CARM1: variants seen among roughly 807,000 people sequenced by gnomAD.
CARM1 encodes coactivator associated arginine methyltransferase 1.
Under a neutral mutation model 72.7 loss-of-function variants are expected in CARM1, and 14 were observed. The observed-to-expected ratio is 0.19, with a 90% CI of 0.13 to 0.30. CARM1 has a LOEUF of 0.30. Among genes scored for constraint, CARM1 ranks in the 10% least tolerant of loss-of-function variants. The pLI is 1.00. For synonymous variants in CARM1, 333 were observed against 345.5 expected (o/e 0.96, Z 0.40); for missense variants, 432 against 833.7 (o/e 0.52, Z 5.93).
At chr19:10,873,374 A>G (rs2073834928) in intron 1 of CARM1, among the ~76,000 whole-genome samples, 1 of 151,896 alleles carries the variant, frequency 6.6e-6, no homozygotes, top group Non-Finnish European at 1.5e-5. Flanking sequence ...TGGGAGGATC[A>G]CTTGAGGTCA....
intron 1 of CARM1, among the ~76,000 whole-genome samples, chr19:10,899,880 C>T (rs1476046919): frequency 2.6e-5 from 4 of 152,086 alleles, no homozygotes; most frequent in African/African-American, 9.7e-5. Context: ...GCCATCATGC[C>T]TTGCTAATTT....
chr19:10,879,517 G>A (rs2073886550), intron 1 of CARM1, among the ~76,000 whole-genome samples: 1 of 152,176 alleles, frequency 6.6e-6, no homozygotes, highest in Non-Finnish European at 1.5e-5. Flanking sequence ...GCTCCAGTGG[G>A]CCAGGGCTGG....
At chr19:10,885,607 A>G (rs1248782428) in intron 1 of CARM1, among the ~76,000 whole-genome samples, 1 of 152,176 alleles carries the variant, frequency 6.6e-6, no homozygotes, top group Non-Finnish European at 1.5e-5. Flanking sequence ...AAATAATCAA[A>G]GACTGGGGTG....
rs535215807 is a variant in CARM1, at chr19:10,885,377, G to C, written c.220+13455G>C. Among the ~76,000 whole-genome samples the C allele has an allele frequency of 2.5e-4, 38 of 152,298 alleles. 2 individuals are homozygous for C. In the South Asian group the frequency reaches 7.9e-3, roughly 32 times the overall value. On this transcript the variant is annotated intron_variant, in intron 1 of 15. Transcript: ENST00000327064. ...GCTGTTTTCCTTTATGTCGTTGGCAGGTCTTTCTCCCGCTAATTGTGTTCT... is the reference window on the plus strand; with the variant it reads ...GCTGTTTTCCTTTATGTCGTTGGCACGTCTTTCTCCCGCTAATTGTGTTCT...
In CARM1 at chr19:10,904,185, A is replaced by G. The variant is rs574261351; in HGVS notation, c.221-766A>G. Reference sequence around the variant, plus strand: ...GGCTGGTTGTCCTGTAGCCTGCCCCACAACTTGTCCTTTTCTGTTGTCCCT... The same window carrying G: ...GGCTGGTTGTCCTGTAGCCTGCCCCGCAACTTGTCCTTTTCTGTTGTCCCT... On this transcript the variant is annotated intron_variant, in intron 1 of 15. Transcript: ENST00000327064. Among the ~76,000 whole-genome samples, 11 of 152,298 alleles carry G rather than the reference A, an allele frequency of 7.2e-5. No homozygotes were observed. The South Asian group carries it at 2.3e-3, about 32-fold the overall frequency.
At chr19:10,890,790 TATATA>T (rs1244812986) in intron 1 of CARM1, among the ~76,000 whole-genome samples, 28 of 106,112 alleles carry the variant, frequency 2.6e-4, no homozygotes, top group African/African-American at 6.5e-4. Flanking sequence ...TATATATATA[TATATA>T]TTTTTTTTTT....
chr19:10,916,181 C>A lies in CARM1; in HGVS notation c.848-226C>A, dbSNP rs576753183. ...GACATAAAGATGAGCCACCAGCCTC[C>A]CAGTCTCAGGTGGAATTCGTGAGCT... On this transcript the variant is annotated intron_variant, in intron 6 of 15. Coordinates refer to ENST00000327064, the MANE Select transcript of CARM1 (RefSeq NM_199141.2). This position sits in a 1 kb window ranked among gnomAD's most constrained non-coding sequence, Gnocchi z 4.4. Among the ~76,000 whole-genome samples, 16 of 152,306 alleles carry A rather than the reference C, an allele frequency of 1.1e-4. No individual in the cohort carries two copies. The South Asian group carries it at 3.1e-3, about 30-fold the overall frequency.
At chr19:10,897,921 C>T (rs536580615) in intron 1 of CARM1, among the ~76,000 whole-genome samples, 63 of 151,706 alleles carry the variant, frequency 4.2e-4, no homozygotes, top group Admixed American at 2.6e-3. Flanking sequence ...CTGGCTAACA[C>T]GGTGAAACCC....
intron 1 of CARM1, among the ~76,000 whole-genome samples, chr19:10,877,306 GA>G (rs1443087366): frequency 3.9e-5 from 6 of 152,200 alleles, no homozygotes; most frequent in African/African-American, 1.4e-4. Context: ...TCCCGTACCA[GA>G]CTGTGCATAA....
Position 10,911,758 on chromosome 19 carries a change from C to T in CARM1, c.559-426C>T, listed in dbSNP as rs376548376. On this transcript the variant is annotated intron_variant, in intron 4 of 15. Coordinates refer to ENST00000327064, the MANE Select transcript of CARM1 (RefSeq NM_199141.2). ...AGCCCAGCCGGCCCCAGGGCTTGGGCGGCTCACCTGCCCCAGCCAAGACGG... is the reference window on the plus strand; with the variant it reads ...AGCCCAGCCGGCCCCAGGGCTTGGGTGGCTCACCTGCCCCAGCCAAGACGG... Among the ~76,000 whole-genome samples, 10 of 152,320 alleles carry T rather than the reference C, an allele frequency of 6.6e-5. No individual in the cohort carries two copies. The East Asian group carries it at 1.7e-3, about 26-fold the overall frequency.
intron 1 of CARM1, among the ~76,000 whole-genome samples, chr19:10,878,964 G>A (rs1040635664): frequency 1.3e-5 from 2 of 152,196 alleles, no homozygotes; most frequent in South Asian, 2.1e-4. Flanking sequence ...GTGCCACCAC[G>A]GCTGGCTAAT....
intron 1 of CARM1, among the ~76,000 whole-genome samples, chr19:10,881,275 C>G (rs905665591): frequency 6.6e-6 from 1 of 152,204 alleles, no homozygotes; most frequent in Non-Finnish European, 1.5e-5. Context: ...ATAAATTGGC[C>G]GTGGTGTAGC....
chr19:10,912,339 A>AGTGCCATGCC lies in CARM1; in HGVS notation c.669+47_669+56dup. ...CCACCCAGCCTCGTCCTCGCCCATG[A>AGTGCCATGCC]GTGCCATGCCGGCCCCAGCCTAGAG... On this transcript the variant is annotated intron_variant, in intron 5 of 15. Transcript: ENST00000327064. This position sits in a 1 kb window ranked among gnomAD's most constrained non-coding sequence, Gnocchi z 4.5. The AGTGCCATGCC allele has an allele frequency of 7.0e-7, 1 of 1,427,658 alleles. No individual in the cohort carries two copies. The highest frequency in any genetic ancestry group is 2.3e-5 in the East Asian group (1 of 43,858). The allele number at this position is 1,427,658 out of a possible 1,614,324, so 88.4% of individuals were successfully genotyped here.
At chr19:10,891,635 G>A (rs1374797180) in intron 1 of CARM1, among the ~76,000 whole-genome samples, 1 of 152,200 alleles carries the variant, frequency 6.6e-6, no homozygotes, top group Admixed American at 6.5e-5. Flanking sequence ...TCCCCAGTCC[G>A]GCCTGCCCAC....
chr19:10,891,116 G>C (rs936403168), intron 1 of CARM1, among the ~76,000 whole-genome samples: 4 of 151,626 alleles, frequency 2.6e-5, no homozygotes, highest in Non-Finnish European at 5.9e-5. Context: ...GAACTCTCTC[G>C]GTGGCTCCTT....
At position 10,891,132 on chromosome 19, in the gene CARM1, G is replaced by A. The variant is rs1022574729; in HGVS notation, c.221-13819G>A. On this transcript the variant is annotated intron_variant, in intron 1 of 15. Transcript: ENST00000327064. ...AACTCTCTCGGTGGCTCCTTCTCTC[G>A]ACCCTTTGCCTTGAGCCGGAGCACT... Among the ~76,000 whole-genome samples the A allele has an allele frequency of 4.8e-5, 7 of 144,972 alleles. No individual in the cohort carries two copies. In the East Asian group the frequency reaches 8.2e-4, roughly 17 times the overall value.
intron 8 of CARM1, among the ~76,000 whole-genome samples, chr19:10,918,243 C>T (rs1426444433): frequency 6.6e-6 from 1 of 152,052 alleles, no homozygotes; most frequent in Non-Finnish European, 1.5e-5. Context: ...TTTTTTGAAA[C>T]AGGATCTCAC....
At chr19:10,894,891 T>A (rs1432492329) in intron 1 of CARM1, among the ~76,000 whole-genome samples, 4 of 151,782 alleles carry the variant, frequency 2.6e-5, no homozygotes, top group Non-Finnish European at 4.4e-5. Flanking sequence ...CAGGTGCGCA[T>A]CACCATGCCC....
chr19:10,906,526 G>A (rs904452217), intron 2 of CARM1, among the ~76,000 whole-genome samples: 2 of 151,900 alleles, frequency 1.3e-5, no homozygotes, highest in African/African-American at 2.4e-5. Flanking sequence ...GCAGTGGCGC[G>A]ATCTCGGCTC....
Sources: gnomAD v4.1 joint callset for allele counts (sites outside exome capture counted in the v4.1 genomes callset) on GRCh38, gnomAD v4.1.1 for gene constraint, Gnocchi (gnomAD v3.1) non-coding constraint, MANE v1.5 for transcripts, NCBI Gene and HGNC (gene_info 2026-07-23, HGNC 2026-07-21) for gene names.